The following LCORL variants were observed in gnomAD, a reference collection of about 807,000 sequenced individuals.
The protein encoded by LCORL is ligand dependent nuclear receptor corepressor like, also known as ligand-dependent nuclear receptor corepressor-like protein.
LCORL carries 41 observed loss-of-function variants against 141.8 expected under a neutral mutation model. That is an observed-to-expected ratio of 0.29 (90% CI 0.23 to 0.38). The LOEUF (loss-of-function observed/expected upper bound fraction) is 0.38. Among genes scored for constraint, LCORL ranks in the 10% least tolerant of loss-of-function variants. The pLI, the probability that LCORL is intolerant of heterozygous loss-of-function variation, is 1.00. For synonymous variants in LCORL, 618 were observed against 694.1 expected, an observed-to-expected ratio of 0.89 and a Z score of 1.72; for missense variants, 1,759 against 2,035.0, an observed-to-expected ratio of 0.86 and a Z score of 2.61.
chr4:17,851,503 ACT>A (rs980604612), intron 7 of LCORL, among the ~76,000 whole-genome samples: 9 of 152,180 alleles, frequency 5.9e-5, no homozygotes, highest in African/African-American at 1.7e-4. Flanking sequence ...TATTTTGGAT[ACT>A]GTTTCATATT....
exon 8 of LCORL, chr4:17,842,235 G>C (rs1383498026): frequency 5.5e-6 from 7 of 1,267,596 alleles, no homozygotes; most frequent in Non-Finnish European, 8.0e-6. Flanking sequence ...AAAGGATTTA[G>C]TTAGCCTAGA....
intron 1 of LCORL, among the ~76,000 whole-genome samples, chr4:17,989,308 ATT>A (rs933915300): frequency 6.6e-6 from 1 of 152,214 alleles, no homozygotes; most frequent in African/African-American, 2.4e-5. Context: ...CTTGTCATAG[ATT>A]TTTTGTAGAT....
chr4:17,985,840 T>C (rs6824919), intron 1 of LCORL, among the ~76,000 whole-genome samples: 10,545 of 152,216 alleles, frequency 0.069, 1,244 homozygotes, highest in African/African-American at 0.24. Context: ...CTTGTTTGTG[T>C]GGTTGCTTTA....
intron 7 of LCORL, among the ~76,000 whole-genome samples, chr4:17,871,702 T>C (rs1433931000): frequency 6.6e-6 from 1 of 151,926 alleles, no homozygotes; most frequent in African/African-American, 2.4e-5. Flanking sequence ...TGTGTGTATA[T>C]TTTCAGATGA....
At chr4:17,851,462 T>C (rs368835769) in intron 7 of LCORL, among the ~76,000 whole-genome samples, 10 of 152,316 alleles carry the variant, frequency 6.6e-5, no homozygotes, top group African/African-American at 2.4e-4. Flanking sequence ...TACCATTCTA[T>C]ATACTGTTCT....
chr4:17,985,780 A>G (rs1352822130), intron 1 of LCORL, among the ~76,000 whole-genome samples: 1 of 152,130 alleles, frequency 6.6e-6, no homozygotes, highest in African/African-American at 2.4e-5. Context: ...TAGTATTGAT[A>G]TGTGTGGATT....
chr4:17,892,119 A>G (rs1729170769), intron 5 of LCORL, among the ~76,000 whole-genome samples: 1 of 152,196 alleles, frequency 6.6e-6, no homozygotes, highest in South Asian at 2.1e-4. Flanking sequence ...CATGGGAGAA[A>G]TAACACAAGA....
chr4:17,992,832 T>C (rs1387088141), intron 1 of LCORL, among the ~76,000 whole-genome samples: 1 of 152,218 alleles, frequency 6.6e-6, no homozygotes, highest in Non-Finnish European at 1.5e-5. Context: ...CTGTAATTTA[T>C]AAAAAATCTT....
chr4:17,846,189 G>A lies in LCORL; in HGVS notation c.5603-288C>T, dbSNP rs113553381. 5.3e-4 allele frequency among the ~76,000 whole-genome samples: 81 copies of A among 152,188 alleles called. 2 individuals carry two copies. Among genetic ancestry groups the A allele is most frequent in the African/African-American group, 1.8e-3 (74 of 41,538 alleles). Reference sequence around the variant, plus strand: ...CATCAGAAATTATTTAACCTTGTGAGCCTGGTAGGATTCAACCCTTTTAAC... The same window carrying A: ...CATCAGAAATTATTTAACCTTGTGAACCTGGTAGGATTCAACCCTTTTAAC... On this transcript the variant is annotated intron_variant, in intron 7 of 7. Transcript: ENST00000635767.
At chr4:17,977,505 G>A (rs62410183) in intron 1 of LCORL, among the ~76,000 whole-genome samples, 13 of 152,120 alleles carry the variant, frequency 8.5e-5, no homozygotes, top group Non-Finnish European at 1.3e-4. Context: ...ATGTCTCCAC[G>A]TGGTTTTAAT....
chr4:17,881,730 T>C, intron 6 of LCORL: 2 of 954,324 alleles, frequency 2.1e-6, no homozygotes, highest in Non-Finnish European at 2.5e-6. Context: ...AAAAGCTCAA[T>C]ACAATATAAA....
chr4:17,966,949 T>C (rs934773554), intron 2 of LCORL, among the ~76,000 whole-genome samples: 3 of 152,130 alleles, frequency 2.0e-5, no homozygotes, highest in African/African-American at 7.2e-5. Flanking sequence ...TTGAAAAAAT[T>C]TGTCCACAAA....
At chr4:17,922,884 C>T (rs1734518462) in intron 4 of LCORL, among the ~76,000 whole-genome samples, 1 of 152,176 alleles carries the variant, frequency 6.6e-6, no homozygotes, top group Non-Finnish European at 1.5e-5. Context: ...CCCAACACAT[C>T]CCTTCCCCAA....
rs184080810 is a variant in LCORL at position 17,851,284 on chromosome 4, A to T, written c.5603-5383T>A. Among the ~76,000 whole-genome samples, 233 of 152,188 alleles carry T rather than the reference A, an allele frequency of 1.5e-3. 1 individual carries two copies. Among genetic ancestry groups the T allele is most frequent in the Non-Finnish European group, 2.6e-3 (180 of 67,980 alleles). ...CCTAAAACTTAAAGTATAATAATAA[A>T]AAAAAAATCAGTGAAAAATGTCATA... On this transcript the variant is annotated intron_variant, in intron 7 of 7. Coordinates refer to ENST00000635767, the Ensembl canonical transcript of LCORL.
chr4:17,884,787 G>A lies in LCORL; in HGVS notation c.776+1281C>T. ...TGGAATGAAACGATGGTAAACTGAT[G>A]CATGAGAGACTCTCACACAGCTATG... On this transcript the variant is annotated intron_variant, in intron 6 of 7. Transcript: ENST00000635767. The surrounding 1 kb of genome is among the most constrained non-coding windows in gnomAD (Gnocchi z 4.4). The A allele has an allele frequency of 8.3e-7, 1 of 1,200,974 alleles. No individual in the cohort carries two copies. The highest frequency in any genetic ancestry group is 1.1e-6 in the Non-Finnish European group (1 of 882,162). 74.4% of individuals were successfully genotyped at this position (1,200,974 alleles called of 1,614,324 possible).
At chr4:17,937,450 T>C (rs1299015280) in intron 4 of LCORL, among the ~76,000 whole-genome samples, 1 of 152,210 alleles carries the variant, frequency 6.6e-6, no homozygotes, top group Non-Finnish European at 1.5e-5. Context: ...TTTTAAAGCA[T>C]TTGTCACAAT....
chr4:18,019,317 C>T (rs920832210), intron 1 of LCORL, among the ~76,000 whole-genome samples: 6 of 152,000 alleles, frequency 3.9e-5, no homozygotes, highest in Admixed American at 1.3e-4. Context: ...CCAGCCTGGG[C>T]GACAGTAAGA....
intron 4 of LCORL, among the ~76,000 whole-genome samples, chr4:17,923,565 G>C (rs972037757): frequency 2.0e-5 from 3 of 152,088 alleles, no homozygotes; most frequent in Non-Finnish European, 4.4e-5. Flanking sequence ...AGAATCGCTC[G>C]AACCCGGGAG....
intron 1 of LCORL, among the ~76,000 whole-genome samples, chr4:18,008,505 G>A (rs940973039): frequency 1.3e-5 from 2 of 152,170 alleles, no homozygotes; most frequent in African/African-American, 4.8e-5. Flanking sequence ...TTTTAAATGA[G>A]GTTTGACCTG....
Sources: gnomAD v4.1 joint callset for allele counts (sites outside exome capture counted in the v4.1 genomes callset) on GRCh38, gnomAD v4.1.1 for gene constraint, Gnocchi (gnomAD v3.1) non-coding constraint, MANE v1.5 for transcripts, NCBI Gene and HGNC (gene_info 2026-07-23, HGNC 2026-07-21) for gene names.